CAPN13: variants seen among roughly 807,000 people sequenced by gnomAD.
CAPN13 encodes calpain-13.
CAPN13 carries 90 observed loss-of-function variants against 98.4 expected under a neutral mutation model. That is an observed-to-expected ratio of 0.92 (90% confidence interval 0.77 to 1.09). The LOEUF (loss-of-function observed/expected upper bound fraction) is 1.09, where lower values mean the gene tolerates loss of function less well. Among genes scored for constraint, CAPN13 ranks in the 50% least tolerant of loss-of-function variants. The probability of loss-of-function intolerance (pLI) is 0.00; values close to 1 mark genes in which losing one functional copy is unlikely to be tolerated. For synonymous variants in CAPN13, 330 were observed against 305.5 expected (o/e 1.08, Z -0.84); for missense variants, 887 against 841.3 (o/e 1.05, Z -0.67).
chr2:30,806,716 T>A (rs1572901335), intron 1 of CAPN13, among the ~76,000 whole-genome samples: 1 of 152,360 alleles, frequency 6.6e-6, no homozygotes, highest in Non-Finnish European at 1.5e-5. Flanking sequence ...CAGAGACACA[T>A]GTGTGTGACC....
intron 5 of CAPN13, among the ~76,000 whole-genome samples, chr2:30,769,108 C>T (rs1004928590): frequency 2.5e-4 from 38 of 152,190 alleles, no homozygotes; most frequent in African/African-American, 8.2e-4. Context: ...TCTGTGGCTT[C>T]TGACTGCTGC....
At chr2:30,762,657 G>A (rs1672905939) in intron 7 of CAPN13, among the ~76,000 whole-genome samples, 1 of 152,212 alleles carries the variant, frequency 6.6e-6, no homozygotes, top group South Asian at 2.1e-4. Context: ...ACCTGAGAGA[G>A]AAATGAACCT....
chr2:30,777,747 G>T lies in CAPN13; in HGVS notation c.199-108C>A, dbSNP rs554290536. On this transcript the variant is annotated intron_variant, in intron 2 of 22. Transcript: ENST00000295055. ...GGTCGAGGTTAATTCTTAAATAGGT[G>T]CTTAAAATCCGAGTTAGGAAAGTTC... 490 of 914,116 alleles carry T rather than the reference G, an allele frequency of 5.4e-4. 2 individuals are homozygous for T. The African/African-American group carries it at 7.3e-3, about 14-fold the overall frequency. The allele number at this position is 914,116 out of a possible 1,614,324, so 56.6% of individuals were successfully genotyped here.
At position 30,770,377 on chromosome 2, in the gene CAPN13, A is replaced by G. The variant is rs1673338238; in HGVS notation, c.460T>C (p.Phe154Leu). 1 of 1,614,034 alleles carries G rather than the reference A, an allele frequency of 6.2e-7. No homozygotes were observed. The highest frequency in any genetic ancestry group is 2.2e-5 in the East Asian group (1 of 44,876). Residue 154 changes from phenylalanine (F) to leucine (L), a missense_variant, in exon 5 of 23, where the codon TTT (phenylalanine) becomes CTT (leucine). Coordinates refer to ENST00000295055, the MANE Select transcript of CAPN13 (RefSeq NM_144575.3). ...RLPVQGDKCL[F>L]VRPRHQNQEF... The stretch of plus-strand genomic sequence containing the variant: ...TGGTTTTGGTGGCGAGGACGCACAA[A>G]GAGGCATTTATCTCCCTGGACAGGT...
At chr2:30,752,316 C>T (rs1038531415) in intron 10 of CAPN13, among the ~76,000 whole-genome samples, 25 of 152,180 alleles carry the variant, frequency 1.6e-4, no homozygotes, top group African/African-American at 5.5e-4. Flanking sequence ...GCATTGTTTA[C>T]GCAGCCTCTT....
intron 22 of CAPN13, among the ~76,000 whole-genome samples, chr2:30,726,019 GAACAA>G (rs1670844068): frequency 6.6e-6 from 1 of 152,166 alleles, no homozygotes; most frequent in Non-Finnish European, 1.5e-5. Context: ...GCTAGGATGA[GAACAA>G]AACAAAGGAA....
chr2:30,731,467 G>A (rs1572778936), intron 20 of CAPN13, 68 bp from the exon 21 acceptor site: 1 of 1,392,738 alleles, frequency 7.2e-7, no homozygotes, highest in Non-Finnish European at 9.9e-7. Context: ...AGGGGAGGCA[G>A]GCCTGGGCCC....
chr2:30,780,967 A>G (rs1197564252), intron 2 of CAPN13, among the ~76,000 whole-genome samples: 5 of 152,196 alleles, frequency 3.3e-5, no homozygotes, highest in African/African-American at 1.2e-4. Context: ...AGCCAGTGTG[A>G]TGAGAACCTG....
intron 7 of CAPN13, among the ~76,000 whole-genome samples, chr2:30,759,014 G>T (rs1672649606): frequency 2.3e-5 from 2 of 87,752 alleles, no homozygotes; most frequent in African/African-American, 4.8e-5. Context: ...TCCCTTCCCT[G>T]CTCCTATTCT....
intron 15 of CAPN13, chr2:30,741,587 A>G (rs914799833): frequency 1.2e-5 from 13 of 1,097,946 alleles, no homozygotes; most frequent in Middle Eastern, 4.0e-4. Context: ...TAGGAGAAGG[A>G]AAGGTTTCAC....
chr2:30,738,196 G>C (rs1226721803), intron 17 of CAPN13, 39 bp downstream of exon 17: 1 of 1,611,288 alleles, frequency 6.2e-7, no homozygotes. Context: ...CAGAGCTGAG[G>C]GGTGCTCAGA....
intron 1 of CAPN13, among the ~76,000 whole-genome samples, chr2:30,797,347 G>A (rs1674938379): frequency 6.6e-6 from 1 of 152,136 alleles, no homozygotes; most frequent in Admixed American, 6.5e-5. Context: ...AAGGAAAAAG[G>A]AAAAAGAGGC....
rs561321603 is a variant in CAPN13 at position 30,728,177 on chromosome 2, CTG to C, written c.*30+2551_*30+2552del. ...GTGGGACACAATTGGGGAGCAACTG[CTG>C]TGGGCATGCTAGATGGGCATGGGGT... On this transcript the variant is annotated intron_variant, in intron 22 of 22. Coordinates refer to ENST00000295055, the MANE Select transcript of CAPN13 (RefSeq NM_144575.3). 9.3e-5 allele frequency among the ~76,000 whole-genome samples: 14 copies of C among 149,762 alleles called. No individual in the cohort carries two copies. The East Asian group carries it at 2.5e-3, about 27-fold the overall frequency.
intron 7 of CAPN13, among the ~76,000 whole-genome samples, chr2:30,758,813 CTTCCTCCCTTCCTTCCTCCCTTCCTTCTT>C (rs1672622142): frequency 1.2e-5 from 1 of 85,952 alleles, no homozygotes; most frequent in South Asian, 4.5e-4. Flanking sequence ...CCTCCCTTCC[CTTCCTCCCTTCCTTCCTCCCTTCCTTCTT>C]TCCCTTTCTC....
chr2:30,725,010 T>C (rs1184219844), intron 22 of CAPN13, among the ~76,000 whole-genome samples: 4 of 152,198 alleles, frequency 2.6e-5, no homozygotes, highest in Non-Finnish European at 4.4e-5. Context: ...TGTATTTTTA[T>C]ACAGTGGGAA....
At position 30,758,019 on chromosome 2, in the gene CAPN13, A is replaced by G. The variant is rs1311588475; in HGVS notation, c.866+27T>C. 5 of 1,564,396 alleles carry G rather than the reference A, an allele frequency of 3.2e-6. No individual in the cohort carries two copies. In the South Asian group the frequency reaches 4.7e-5, roughly 15 times the overall value. On this transcript the variant is annotated intron_variant, in intron 8 of 22. Transcript: ENST00000295055. ...ACCGACACCAAGCGCTCTGTGAAGGATGGAGAGAGGTTTCCAGAAGCCATA... is the reference window on the plus strand; with the variant it reads ...ACCGACACCAAGCGCTCTGTGAAGGGTGGAGAGAGGTTTCCAGAAGCCATA...
rs768860559 is a variant in CAPN13 at position 30,738,223 on chromosome 2, C to T, written c.1653+12G>A. On this transcript the variant is annotated intron_variant, in intron 17 of 22. Coordinates refer to ENST00000295055, the MANE Select transcript of CAPN13 (RefSeq NM_144575.3). ...GTGCTCAGAGCATGGGAGGGATGACCGCAAAGGATACTTCCATCAGAGCCA... is the reference window on the plus strand; with the variant it reads ...GTGCTCAGAGCATGGGAGGGATGACTGCAAAGGATACTTCCATCAGAGCCA... 22 of 1,613,600 alleles carry T rather than the reference C, an allele frequency of 1.4e-5. No homozygotes were observed. The Admixed American group carries it at 2.0e-4, about 15-fold the overall frequency.
At chr2:30,783,480 TA>T (rs1674098516) in intron 2 of CAPN13, among the ~76,000 whole-genome samples, 1 of 152,070 alleles carries the variant, frequency 6.6e-6, no homozygotes, top group African/African-American at 2.4e-5. Context: ...TGGTTTAGAT[TA>T]TTGGATTAAT....
intron 1 of CAPN13, among the ~76,000 whole-genome samples, chr2:30,806,508 G>T (rs1167327609): frequency 6.6e-6 from 1 of 152,170 alleles, no homozygotes; most frequent in East Asian, 1.9e-4. Context: ...TCTAGTTAAT[G>T]CCACTCGGGG....
Sources: gnomAD v4.1 joint callset for allele counts (sites outside exome capture counted in the v4.1 genomes callset) on GRCh38, gnomAD v4.1.1 for gene constraint, MANE v1.5 for transcripts, NCBI Gene and HGNC (gene_info 2026-07-23, HGNC 2026-07-21) for gene names.